The following METTL8 variants were observed in gnomAD, a reference collection of about 807,000 sequenced individuals.
METTL8 encodes methyltransferase 8, tRNA N3-cytidine.
A neutral mutation model predicts 48.7 loss-of-function variants in METTL8; 32 were observed. The ratio of observed to expected loss-of-function variants is 0.66; its 90% CI spans 0.50 to 0.88. The LOEUF (loss-of-function observed/expected upper bound fraction) is 0.88, where lower values mean the gene tolerates loss of function less well. METTL8 is among the 40% of genes least tolerant of loss of function. METTL8 has a pLI of 0.00. For missense variants in METTL8, 464 were observed against 474.4 expected (o/e 0.98, Z 0.20); for synonymous variants, 136 against 157.1 (o/e 0.87, Z 1.01).
At chr2:171,327,778 T>A (rs1685106149) in intron 7 of METTL8, among the ~76,000 whole-genome samples, 1 of 152,370 alleles carries the variant, frequency 6.6e-6, no homozygotes, top group African/African-American at 2.4e-5. Flanking sequence ...TATTACAGGT[T>A]ATTTTCATAC....
chr2:171,431,940 A>C (rs1042916734), intron 1 of METTL8, among the ~76,000 whole-genome samples: 32 of 152,318 alleles, frequency 2.1e-4, no homozygotes, highest in Middle Eastern at 3.4e-3. Context: ...TGTGGGAGTC[A>C]CTTGTGACAT....
At chr2:171,363,108 T>C (rs1180859158) in intron 2 of METTL8, among the ~76,000 whole-genome samples, 6 of 152,220 alleles carry the variant, frequency 3.9e-5, no homozygotes, top group Non-Finnish European at 8.8e-5. Flanking sequence ...TCTTATTTAA[T>C]AGATTTAGTT....
chr2:171,361,314 A>G lies in METTL8; in HGVS notation c.144-801T>C, dbSNP rs1015415065. ...AGCAATTTCCTGGAATAAACCAGGA[A>G]TAATTTTTTATCACTAAACAATAAA... On this transcript the variant is annotated intron_variant, in intron 2 of 9. Coordinates refer to ENST00000375258, the MANE Select transcript of METTL8 (RefSeq NM_001321154.2). Among the ~76,000 whole-genome samples the G allele has an allele frequency of 3.9e-5, 6 of 152,020 alleles. No individual in the cohort carries two copies. In the East Asian group the frequency reaches 5.8e-4, roughly 15 times the overall value.
At chr2:171,339,583 AT>A in intron 3 of METTL8, 29 bp from the exon 4 acceptor site, 1 of 1,260,834 alleles carries the variant, frequency 7.9e-7, no homozygotes. Flanking sequence ...AGAAAGATTT[AT>A]TTTACTACGA....
chr2:171,319,884 A>C lies in METTL8; in HGVS notation c.*4288T>G, dbSNP rs1196504547. ...TATATTCCATTGTTTCTGTACTGTAAGAAGATGAAAGAATATACCTTTTAC... is the reference window on the plus strand; with the variant it reads ...TATATTCCATTGTTTCTGTACTGTACGAAGATGAAAGAATATACCTTTTAC... On this transcript the variant is annotated 3_prime_UTR_variant, in exon 10 of 10. Transcript: ENST00000375258. 6.6e-6 allele frequency: 1 copy of C among 152,182 alleles called. No homozygotes were observed. The highest frequency in any genetic ancestry group is 1.5e-5 in the Non-Finnish European group (1 of 68,040). The allele number at this position is 152,182 out of a possible 1,614,324, so 9.4% of individuals were successfully genotyped here. A position where few individuals can be genotyped will look rare whatever the true frequency, so the allele number is the denominator to read the frequency against.
chr2:171,389,232 A>G (rs1688356672), intron 2 of METTL8, among the ~76,000 whole-genome samples: 1 of 152,028 alleles, frequency 6.6e-6, no homozygotes, highest in East Asian at 1.9e-4. Flanking sequence ...TAAAGATGCT[A>G]CTCCAGGTTG....
intron 2 of METTL8, among the ~76,000 whole-genome samples, chr2:171,374,667 C>A (rs1409144276): frequency 6.6e-6 from 1 of 151,762 alleles, no homozygotes; most frequent in Admixed American, 6.6e-5. Context: ...CCCTTCTCCC[C>A]ACTCACCTCC....
rs745951471 is a variant in METTL8, at chr2:171,330,586, A to C, written c.833T>G (p.Phe278Cys). ...DGILDVILLV[F>C]VLSSIHPDRM... is the part of the protein sequence containing the mutation. ...GTCAGGATGAATAGAAGAGAGCACA[A>C]AGACAAGGAGAATGACATCCAGGAT... is the stretch of plus-strand genomic sequence containing the variant. Residue 278 changes from phenylalanine (F) to cysteine (C), a missense_variant, in exon 7 of 10, where the codon TTT becomes TGT. By Grantham distance (205) the Phe-to-Cys change is radical (BLOSUM62 -2). Transcript: ENST00000375258. 2.2e-5 allele frequency: 35 copies of C among 1,613,838 alleles called. No homozygotes were observed. Among genetic ancestry groups the C allele is most frequent in the Non-Finnish European group, 2.9e-5 (34 of 1,179,920 alleles).
At chr2:171,333,923 A>G (rs907914785) in intron 5 of METTL8, among the ~76,000 whole-genome samples, 1 of 152,202 alleles carries the variant, frequency 6.6e-6, no homozygotes, top group African/African-American at 2.4e-5. Context: ...TCTTATAGCT[A>G]AAGTTTCCAG....
At chr2:171,328,735 G>C (rs1280384012) in intron 7 of METTL8, among the ~76,000 whole-genome samples, 1 of 152,128 alleles carries the variant, frequency 6.6e-6, no homozygotes. Context: ...TCTTGCCCAG[G>C]CTGGAGTGCA....
At chr2:171,430,394 G>A (rs1198678641) in intron 1 of METTL8, among the ~76,000 whole-genome samples, 2 of 152,010 alleles carry the variant, frequency 1.3e-5, no homozygotes, top group Non-Finnish European at 2.9e-5. Flanking sequence ...AGCCTGTCTA[G>A]GGGCTAGGGG....
Position 171,370,089 on chromosome 2 carries a change from T to C in METTL8, c.144-9576A>G, listed in dbSNP as rs140504723. Reference sequence around the variant, plus strand: ...TCAAAAAAAAAAAAATTATTCAATTTATCCAAAAGCAGGCAGGAAAAAAGG... The same window carrying C: ...TCAAAAAAAAAAAAATTATTCAATTCATCCAAAAGCAGGCAGGAAAAAAGG... On this transcript the variant is annotated intron_variant, in intron 2 of 9. Coordinates refer to ENST00000375258, the MANE Select transcript of METTL8 (RefSeq NM_001321154.2). Among the ~76,000 whole-genome samples the C allele has an allele frequency of 2.6e-4, 40 of 151,600 alleles. 1 individual carries two copies. In the East Asian group the frequency reaches 5.2e-3, roughly 20 times the overall value.
chr2:171,339,153 A>C (rs1275453274), intron 4 of METTL8, 31 bp downstream of exon 4: 1 of 1,419,574 alleles, frequency 7.0e-7, no homozygotes, highest in Admixed American at 2.4e-5. Flanking sequence ...ATTATTTGTC[A>C]CCTCCCATTT....
At chr2:171,416,011 T>C (rs1233805420) in intron 1 of METTL8, among the ~76,000 whole-genome samples, 1 of 152,244 alleles carries the variant, frequency 6.6e-6, no homozygotes, top group Non-Finnish European at 1.5e-5. Context: ...CAACAGCCCA[T>C]GCTAGAATGC....
rs1383501283 is a variant in METTL8, at chr2:171,320,817, G to C, written c.*3355C>G. 1 of 152,152 alleles carries C rather than the reference G, an allele frequency of 6.6e-6. No individual in the cohort carries two copies. Among genetic ancestry groups the C allele is most frequent in the Non-Finnish European group, 1.5e-5 (1 of 68,028 alleles). The allele number at this position is 152,152 out of a possible 1,614,324, so 9.4% of individuals were successfully genotyped here. On this transcript the variant is annotated 3_prime_UTR_variant, in exon 10 of 10. Transcript: ENST00000375258. ...CAAAAACCTTTATGTGGTCTTCCTTGCCACTGATCTCTGACCTCACTCCAT... is the reference window on the plus strand; with the variant it reads ...CAAAAACCTTTATGTGGTCTTCCTTCCCACTGATCTCTGACCTCACTCCAT...
At chr2:171,389,167 G>A (rs1688349067) in intron 2 of METTL8, among the ~76,000 whole-genome samples, 1 of 152,142 alleles carries the variant, frequency 6.6e-6, no homozygotes, top group African/African-American at 2.4e-5. Context: ...ACAAAACCTA[G>A]GCCTCTAGCA....
At chr2:171,403,490 G>A (rs1248772266) in intron 1 of METTL8, among the ~76,000 whole-genome samples, 1 of 152,026 alleles carries the variant, frequency 6.6e-6, no homozygotes, top group East Asian at 1.9e-4. Context: ...AAGGAGACAC[G>A]ATGACTACAT....
chr2:171,328,085 C>G (rs1685138583), intron 7 of METTL8, among the ~76,000 whole-genome samples: 1 of 152,124 alleles, frequency 6.6e-6, no homozygotes, highest in Non-Finnish European at 1.5e-5. Context: ...AGTTCCCGAG[C>G]CAATTCCTGA....
intron 2 of METTL8, among the ~76,000 whole-genome samples, chr2:171,368,015 C>T (rs1360000995): frequency 1.3e-5 from 2 of 152,172 alleles, no homozygotes; most frequent in Admixed American, 6.5e-5. Context: ...CTACAACTGC[C>T]TTGGAATGAA....
Sources: allele counts gnomAD v4.1 joint callset (sites outside exome capture counted in the v4.1 genomes callset), GRCh38; gene constraint gnomAD v4.1.1; transcripts MANE v1.5; gene names NCBI Gene and HGNC (gene_info 2026-07-23, HGNC 2026-07-21).